The following RBFOX3 variants were observed in gnomAD, a reference collection of about 807,000 sequenced individuals.
RBFOX3 encodes RNA binding protein fox-1 homolog 3.
Under a neutral mutation model 48.7 loss-of-function variants are expected in RBFOX3, and 17 were observed. The ratio of observed to expected loss-of-function variants is 0.35; its 90% CI spans 0.24 to 0.52. The LOEUF is 0.52. Ranked by LOEUF, RBFOX3 falls within the 20% of genes least tolerant of loss-of-function variation. The pLI is 0.94. For missense variants in RBFOX3, 382 were observed against 497.5 expected (o/e 0.77, Z 2.21); for synonymous variants, 212 against 209.5 (o/e 1.01, Z -0.10).
rs1044148583 is a variant in RBFOX3, at chr17:79,214,929, G to T, written c.-34+20837C>A. On this transcript the variant is annotated intron_variant, in intron 4 of 14. Transcript: ENST00000693108. This position sits in a 1 kb window ranked among gnomAD's most constrained non-coding sequence, Gnocchi z 4.7. ...TGGCAATTACCGCTAATTTGGAGACGTTCTGCCTTGGCATCTTCGCCTGGT... is the reference window on the plus strand; with the variant it reads ...TGGCAATTACCGCTAATTTGGAGACTTTCTGCCTTGGCATCTTCGCCTGGT... Among the ~76,000 whole-genome samples, 1 of 152,156 alleles carries T rather than the reference G, an allele frequency of 6.6e-6. No homozygotes were observed. The highest frequency in any genetic ancestry group is 1.5e-5 in the Non-Finnish European group (1 of 68,022).
At chr17:79,367,948 G>C (rs2058020430) in intron 2 of RBFOX3, among the ~76,000 whole-genome samples, 1 of 152,220 alleles carries the variant, frequency 6.6e-6, no homozygotes, top group African/African-American at 2.4e-5. Flanking sequence ...TGCATTCAGG[G>C]CTGGGGAATT....
chr17:79,303,792 T>G (rs36158199), intron 3 of RBFOX3, among the ~76,000 whole-genome samples: 2,292 of 152,276 alleles, frequency 0.015, 23 homozygotes, highest in Middle Eastern at 0.037. Flanking sequence ...CGTGTGTGTA[T>G]GTACCTGCGT....
rs748025867 is a variant in RBFOX3 at position 79,392,044 on chromosome 17, A to G, written c.-174-84220T>C. 1.1e-4 allele frequency among the ~76,000 whole-genome samples: 16 copies of G among 152,200 alleles called. No homozygotes were observed. The highest frequency in any genetic ancestry group is 1.8e-4 in the Non-Finnish European group (12 of 68,042). ...TCTGCCGTCTTGGAAACAGACACCG[A>G]CAAGCAACAGGGTTCCCATAGTGCC... On this transcript the variant is annotated intron_variant, in intron 2 of 14. Coordinates refer to ENST00000693108, the MANE Select transcript of RBFOX3 (RefSeq NM_001350451.2). This position sits in a 1 kb window ranked among gnomAD's most constrained non-coding sequence, Gnocchi z 5.0.
rs891407967 is a variant in RBFOX3 at position 79,361,745 on chromosome 17, G to T, written c.-174-53921C>A. 6.6e-5 allele frequency among the ~76,000 whole-genome samples: 10 copies of T among 152,222 alleles called. No individual in the cohort carries two copies. Among genetic ancestry groups the T allele is most frequent in the Non-Finnish European group, 1.5e-4 (10 of 68,050 alleles). ...GTGCACACGTGTGTGCGCTGTGCAG[G>T]GGTACCCAGTGTAACTGCCTGCACT... On this transcript the variant is annotated intron_variant, in intron 2 of 14. Transcript: ENST00000693108. The surrounding 1 kb of genome is among the most constrained non-coding windows in gnomAD (Gnocchi z 4.5).
At chr17:79,646,239 C>T in the RBFOX3 span, among the ~76,000 whole-genome samples, 1 of 152,168 alleles carries the variant, frequency 6.6e-6, no homozygotes, top group African/African-American at 2.4e-5. Flanking sequence ...GGTATTCTTG[C>T]AGAACAAGTT....
In RBFOX3 at chr17:79,205,834, T is replaced by G. The variant is rs896409488; in HGVS notation, c.-34+29932A>C. 1.2e-5 allele frequency among the ~76,000 whole-genome samples: 1 copy of G among 84,046 alleles called. No homozygotes were observed. The highest frequency in any genetic ancestry group is 3.3e-5 in the African/African-American group (1 of 30,430). 55.1% of individuals were successfully genotyped at this position (84,046 alleles called of 152,430 possible). A position where few individuals can be genotyped will look rare whatever the true frequency, so the allele number is the denominator to read the frequency against. On this transcript the variant is annotated intron_variant, in intron 4 of 14. Transcript: ENST00000693108. The surrounding 1 kb of genome is among the most constrained non-coding windows in gnomAD (Gnocchi z 4.5). The stretch of plus-strand genomic sequence containing the variant: ...CATGTCCATAAAGAGTCAAAAGCAG[T>G]TGGCTTTTTTTTTTTTTTTCCTTAA...
At chr17:79,196,393 C>T (rs1364588217) in intron 4 of RBFOX3, among the ~76,000 whole-genome samples, 1 of 152,226 alleles carries the variant, frequency 6.6e-6, no homozygotes, top group Non-Finnish European at 1.5e-5. Flanking sequence ...AGCAACTAAA[C>T]ATCTCCAGTG....
chr17:79,173,978 C>G (rs1350645686), intron 4 of RBFOX3, among the ~76,000 whole-genome samples: 2 of 152,048 alleles, frequency 1.3e-5, no homozygotes, highest in Admixed American at 1.3e-4. Flanking sequence ...GTCACTGGAT[C>G]TTCTGTTTCC....
intron 2 of RBFOX3, among the ~76,000 whole-genome samples, chr17:79,372,369 C>T (rs1044740116): frequency 4.9e-5 from 7 of 143,682 alleles, no homozygotes; most frequent in African/African-American, 1.6e-4. Flanking sequence ...GCCCCACCTC[C>T]CCATCCTGTG....
intron 2 of RBFOX3, among the ~76,000 whole-genome samples, chr17:79,424,682 C>T (rs1337076855): frequency 6.6e-6 from 1 of 152,150 alleles, no homozygotes; most frequent in Admixed American, 6.5e-5. Flanking sequence ...AGGTCTGTGG[C>T]TCAGGAGGAC....
At chr17:79,455,179 G>C (rs1185949715) in intron 2 of RBFOX3, among the ~76,000 whole-genome samples, 2 of 152,206 alleles carry the variant, frequency 1.3e-5, no homozygotes, top group Non-Finnish European at 2.9e-5. Flanking sequence ...TCTTAAAAAT[G>C]AGCCCCATAA....
In RBFOX3 at chr17:79,261,517, C is replaced by T. The variant is rs188311425; in HGVS notation, c.-73-25712G>A. On this transcript the variant is annotated intron_variant, in intron 3 of 14. Transcript: ENST00000693108. ...TACTGCCACAGTCCCCCAGGAGCCT[C>T]CCAGGCCTGTGCGGCTCTCTCTCCC... Among the ~76,000 whole-genome samples, 98 of 152,362 alleles carry T rather than the reference C, an allele frequency of 6.4e-4. 1 individual carries two copies. The highest frequency in any genetic ancestry group is 2.3e-3 in the African/African-American group (97 of 41,590).
chr17:79,362,738 G>T lies in RBFOX3; in HGVS notation c.-174-54914C>A, dbSNP rs905019583. Among the ~76,000 whole-genome samples, 4 of 152,218 alleles carry T rather than the reference G, an allele frequency of 2.6e-5. No individual in the cohort carries two copies. The highest frequency in any genetic ancestry group is 4.4e-5 in the Non-Finnish European group (3 of 68,038). On this transcript the variant is annotated intron_variant, in intron 2 of 14. Transcript: ENST00000693108. This position sits in a 1 kb window ranked among gnomAD's most constrained non-coding sequence, Gnocchi z 4.2. ...TGCACAGGCTCATTAGAGACCATGG[G>T]ATGGGGCCTCCGAGGAGCTCTGGGA...
intron 3 of RBFOX3, among the ~76,000 whole-genome samples, chr17:79,303,528 C>T (rs1301823718): frequency 6.6e-6 from 1 of 151,968 alleles, no homozygotes. Context: ...TTAAAAGTCC[C>T]CTGAGCATTT....
rs982496156 is a variant in RBFOX3 at position 79,103,074 on chromosome 17, G to A, written c.507+88C>T. ...CCTGGCCAGGCTCTCTGAAGGGTGCGGCAGTGGCAGGGCTGGTTGGTTGGG... is the reference window on the plus strand; with the variant it reads ...CCTGGCCAGGCTCTCTGAAGGGTGCAGCAGTGGCAGGGCTGGTTGGTTGGG... On this transcript the variant is annotated intron_variant, in intron 8 of 14. Transcript: ENST00000693108. The surrounding 1 kb of genome is among the most constrained non-coding windows in gnomAD (Gnocchi z 6.1). The A allele has an allele frequency of 1.1e-5, 11 of 978,760 alleles. No individual in the cohort carries two copies. Among genetic ancestry groups the A allele is most frequent in the African/African-American group, 4.8e-5 (3 of 62,302 alleles). 60.6% of individuals were successfully genotyped at this position (978,760 alleles called of 1,614,324 possible). A position where few individuals can be genotyped will look rare whatever the true frequency, so the allele number is the denominator to read the frequency against.
intron 2 of RBFOX3, among the ~76,000 whole-genome samples, chr17:79,309,634 ACT>A (rs1432862457): frequency 6.6e-6 from 1 of 151,622 alleles, no homozygotes; most frequent in Non-Finnish European, 1.5e-5. Context: ...ATGTGGCTTG[ACT>A]CTGTGTCCCC....
intron 4 of RBFOX3, among the ~76,000 whole-genome samples, chr17:79,149,352 A>T (rs1203700012): frequency 3.3e-5 from 5 of 152,062 alleles, no homozygotes; most frequent in Non-Finnish European, 1.5e-5. Flanking sequence ...GAGTGGGGGC[A>T]CGGGGGAGGA....
intron 3 of RBFOX3, among the ~76,000 whole-genome samples, chr17:79,291,179 T>C (rs1436387818): frequency 2.6e-5 from 4 of 152,190 alleles, no homozygotes; most frequent in Non-Finnish European, 5.9e-5. Flanking sequence ...AGAAATGACA[T>C]GTTTTAAAAT....
chr17:79,131,663 A>C (rs1432725569), intron 4 of RBFOX3, among the ~76,000 whole-genome samples: 1 of 152,210 alleles, frequency 6.6e-6, no homozygotes, highest in Admixed American at 6.5e-5. Context: ...TTTCCTTCAT[A>C]ATAATCTGTT....
Sources: allele counts gnomAD v4.1 joint callset (sites outside exome capture counted in the v4.1 genomes callset), GRCh38; gene constraint gnomAD v4.1.1; non-coding constraint Gnocchi (gnomAD v3.1); transcripts MANE v1.5; gene names NCBI Gene and HGNC (gene_info 2026-07-23, HGNC 2026-07-21).